PLS1: variants seen among roughly 807,000 people sequenced by gnomAD.
PLS1 encodes plastin-1.
PLS1 carries 32 observed loss-of-function variants against 73.7 expected under a neutral mutation model. That is an observed-to-expected ratio of 0.43 (90% CI 0.33 to 0.58). The LOEUF (loss-of-function observed/expected upper bound fraction) is 0.58. Ranked by LOEUF, PLS1 falls within the 20% of genes least tolerant of loss-of-function variation. PLS1 has a pLI of 0.04. For synonymous variants in PLS1, 217 were observed against 261.3 expected (o/e 0.83, Z 1.63); for missense variants, 633 against 740.5 (o/e 0.85, Z 1.68).
intron 2 of PLS1, 144 bp from the exon 3 acceptor site, chr3:142,669,246 C>T: frequency 1.8e-6 from 1 of 544,640 alleles, no homozygotes; most frequent in African/African-American, 1.9e-5. Context: ...CTGTACAGTT[C>T]AGGTACAGGA....
chr3:142,641,482 T>C (rs1214892151), intron 1 of PLS1, among the ~76,000 whole-genome samples: 2 of 151,686 alleles, frequency 1.3e-5, no homozygotes, highest in African/African-American at 4.8e-5. Context: ...TAATTTTCTT[T>C]TTAAACATTT....
chr3:142,647,898 GCTGTGTGGAGGA>G (rs1302891155), intron 1 of PLS1, among the ~76,000 whole-genome samples: 1 of 152,118 alleles, frequency 6.6e-6, no homozygotes, highest in Non-Finnish European at 1.5e-5. Flanking sequence ...TCTAGTAGGG[GCTGTGTGGAGGA>G]CTGTGTTGAA....
intron 11 of PLS1, among the ~76,000 whole-genome samples, chr3:142,696,711 C>T (rs2038213527): frequency 7.8e-6 from 1 of 128,038 alleles, no homozygotes; most frequent in Admixed American, 8.0e-5. Flanking sequence ...GACCTCAGTT[C>T]TATTTGCAAA....
intron 1 of PLS1, among the ~76,000 whole-genome samples, chr3:142,620,434 T>C (rs1577783908): frequency 6.6e-6 from 1 of 152,156 alleles, no homozygotes; most frequent in South Asian, 2.1e-4. Flanking sequence ...GCCTGAGAAG[T>C]AGACTGTTTT....
At chr3:142,613,030 T>C (rs1047661561) in intron 1 of PLS1, among the ~76,000 whole-genome samples, 1 of 152,144 alleles carries the variant, frequency 6.6e-6, no homozygotes, top group Admixed American at 6.5e-5. Context: ...CCTCCCAAAG[T>C]GCTGGGATTA....
intron 4 of PLS1, among the ~76,000 whole-genome samples, chr3:142,675,408 G>C (rs191873180): frequency 7.2e-4 from 109 of 151,910 alleles, no homozygotes; most frequent in Non-Finnish European, 1.3e-3. Context: ...TTTTGAGACA[G>C]AGCCTTGCTC....
At chr3:142,612,737 A>T (rs2036146164) in intron 1 of PLS1, among the ~76,000 whole-genome samples, 1 of 152,098 alleles carries the variant, frequency 6.6e-6, no homozygotes. Context: ...AAGAAAAAAA[A>T]AATCCCTTAT....
intron 2 of PLS1, among the ~76,000 whole-genome samples, chr3:142,666,515 T>C (rs1359715687): frequency 6.6e-6 from 1 of 152,228 alleles, no homozygotes; most frequent in Non-Finnish European, 1.5e-5. Context: ...TTTTATTGTA[T>C]GTATATGCCA....
At chr3:142,596,685 G>C (rs1038285979) in intron 1 of PLS1, among the ~76,000 whole-genome samples, 176 bp downstream of exon 1, 6 of 152,226 alleles carry the variant, frequency 3.9e-5, no homozygotes, top group African/African-American at 1.4e-4. Context: ...GCACGCTTCT[G>C]CCCAGTCCCG....
At chr3:142,666,435 T>A (rs939058918) in intron 2 of PLS1, among the ~76,000 whole-genome samples, 9 of 152,234 alleles carry the variant, frequency 5.9e-5, no homozygotes, top group African/African-American at 2.2e-4. Flanking sequence ...TAGCACAATG[T>A]CCTCATCAAC....
chr3:142,631,595 A>AG (rs2108587142), intron 1 of PLS1, among the ~76,000 whole-genome samples: 1 of 128,476 alleles, frequency 7.8e-6, no homozygotes, highest in Admixed American at 9.7e-5. Context: ...TGGGAGGTCG[A>AG]GGGTGCAGTG....
chr3:142,669,354 A>G, intron 2 of PLS1, 36 bp from the exon 3 acceptor site: 2 of 1,261,920 alleles, frequency 1.6e-6, no homozygotes, highest in Non-Finnish European at 2.2e-6. Flanking sequence ...CCTTCAACAA[A>G]GATTACAAAA....
chr3:142,669,044 G>T (rs2037542945), intron 2 of PLS1, among the ~76,000 whole-genome samples: 1 of 152,050 alleles, frequency 6.6e-6, no homozygotes, highest in South Asian at 2.1e-4. Context: ...TTTTTGTTTT[G>T]TTTTTGTTTT....
At chr3:142,711,443 A>G (rs759711637) in intron 14 of PLS1, 58 bp from the exon 15 acceptor site, 35 of 1,316,428 alleles carry the variant, frequency 2.7e-5, no homozygotes, top group Non-Finnish European at 3.6e-5. Context: ...AGAGTCTGAA[A>G]ATAATGAAAA....
chr3:142,641,523 T>A (rs1174015488), intron 1 of PLS1, among the ~76,000 whole-genome samples: 1 of 151,852 alleles, frequency 6.6e-6, no homozygotes, highest in Non-Finnish European at 1.5e-5. Context: ...TTTGTTTTAA[T>A]CTCTGAAGAA....
chr3:142,640,900 G>A (rs2036818112), intron 1 of PLS1, among the ~76,000 whole-genome samples: 1 of 151,974 alleles, frequency 6.6e-6, no homozygotes. Context: ...TCTCTTGTCT[G>A]TTATAAAAGT....
rs554332351 is a variant in PLS1, at chr3:142,640,857, T to C, written c.-36-23345T>C. Among the ~76,000 whole-genome samples, 100 of 152,134 alleles carry C rather than the reference T, an allele frequency of 6.6e-4. 1 individual carries two copies. The highest frequency in any genetic ancestry group is 1.1e-3 in the Non-Finnish European group (78 of 68,028). On this transcript the variant is annotated intron_variant, in intron 1 of 15. Coordinates refer to ENST00000457734, the MANE Select transcript of PLS1 (RefSeq NM_001145319.2). ...ATTCTTTTTAGCCATCATATGGGAATAGTTAAGTGTGAATCTTCACTTTTT... is the reference window on the plus strand; with the variant it reads ...ATTCTTTTTAGCCATCATATGGGAACAGTTAAGTGTGAATCTTCACTTTTT...
intron 1 of PLS1, among the ~76,000 whole-genome samples, chr3:142,599,313 C>T (rs995872889): frequency 6.8e-6 from 1 of 147,544 alleles, no homozygotes; most frequent in African/African-American, 2.5e-5. Context: ...AGAGGAGGGA[C>T]TCAGATATTC....
At chr3:142,669,688 TG>T in intron 3 of PLS1, 135 bp downstream of exon 3, 6 of 458,000 alleles carry the variant, frequency 1.3e-5, no homozygotes, top group Non-Finnish European at 2.3e-5. Context: ...ATGATGATGA[TG>T]ACAATAACTA....
Sources: gnomAD v4.1 joint callset for allele counts (sites outside exome capture counted in the v4.1 genomes callset) on GRCh38, gnomAD v4.1.1 for gene constraint, MANE v1.5 for transcripts, NCBI Gene and HGNC (gene_info 2026-07-23, HGNC 2026-07-21) for gene names.